The following ACSL6 variants were observed in gnomAD, a reference collection of about 807,000 sequenced individuals.
ACSL6 encodes acyl-CoA synthetase long chain family member 6, also known as long-chain-fatty-acid--CoA ligase 6.
ACSL6 carries 47 observed loss-of-function variants against 98.2 expected under a neutral mutation model. That is an observed-to-expected ratio of 0.48 (90% confidence interval 0.38 to 0.61). ACSL6 has a LOEUF of 0.61. Ranked by LOEUF, ACSL6 falls within the 20% of genes least tolerant of loss-of-function variation. ACSL6 has a pLI of 0.00. For synonymous variants in ACSL6, 362 were observed against 336.9 expected (o/e 1.07, Z -0.82); for missense variants, 761 against 913.4 (o/e 0.83, Z 2.15).
intron 11 of ACSL6, 134 bp from the exon 12 acceptor site, chr5:131,973,534 G>A (rs904766783): frequency 4.5e-6 from 4 of 892,564 alleles, no homozygotes; most frequent in Admixed American, 5.6e-5. Context: ...GCTGCCATGA[G>A]ACACTGATGA....
At chr5:131,970,090 G>C in intron 15 of ACSL6, 38 bp downstream of exon 15, 1 of 1,596,508 alleles carries the variant, frequency 6.3e-7, no homozygotes. Flanking sequence ...ACTCCACAGT[G>C]CCTCGCGAGC....
chr5:131,960,041 G>A (rs1331536104), intron 19 of ACSL6, among the ~76,000 whole-genome samples: 1 of 152,212 alleles, frequency 6.6e-6, no homozygotes, highest in Non-Finnish European at 1.5e-5. Context: ...GAAGGTTTCA[G>A]GAAGGTGTGA....
intron 9 of ACSL6, chr5:131,985,195 C>T (rs1754109351): frequency 8.2e-6 from 5 of 611,690 alleles, no homozygotes; most frequent in South Asian, 5.4e-5. Context: ...AGCCCTCACA[C>T]TGGACCTCCC....
intron 16 of ACSL6, among the ~76,000 whole-genome samples, chr5:131,966,808 C>T (rs985586685): frequency 1.3e-5 from 2 of 152,260 alleles, no homozygotes; most frequent in Non-Finnish European, 2.9e-5. Flanking sequence ...GCCTTGGCCA[C>T]ATGCTGCTCT....
chr5:131,966,653 G>T, intron 16 of ACSL6, 121 bp from the exon 17 acceptor site: 2 of 842,902 alleles, frequency 2.4e-6, no homozygotes, highest in Non-Finnish European at 4.0e-6. Context: ...TGTGGATATG[G>T]CAGGGATGGA....
chr5:132,005,108 C>T (rs1264117249), intron 1 of ACSL6, among the ~76,000 whole-genome samples: 15 of 152,062 alleles, frequency 9.9e-5, no homozygotes, highest in Non-Finnish European at 1.3e-4. Context: ...GCCAAGATCA[C>T]GCCATTGCAC....
intron 7 of ACSL6, 126 bp downstream of exon 7, chr5:131,987,922 G>A: frequency 7.9e-7 from 1 of 1,264,810 alleles, no homozygotes; most frequent in Non-Finnish European, 1.1e-6. Context: ...GCCCTGTCTG[G>A]ACACTGATAT....
In ACSL6 at chr5:131,989,583, CTTTTTTTTTTTTT is replaced by C. The variant is rs57391438; in HGVS notation, c.451-88_451-76del. The C allele has an allele frequency of 1.7e-4, 30 of 180,636 alleles. 1 individual carries two copies. Among genetic ancestry groups the C allele is most frequent in the East Asian group, 1.4e-3 (11 of 7,652 alleles). 11.2% of individuals were successfully genotyped at this position (180,636 alleles called of 1,614,324 possible). On this transcript the variant is annotated intron_variant, in intron 4 of 20. Coordinates refer to ENST00000651883, the MANE Select transcript of ACSL6 (RefSeq NM_001009185.3). ...GGGAAGGAGATCCCCAGGAGGAATT[CTTTTTTTTTTTTT>C]TTTTTTTTTTTTTTTTTGAGATGGA...
At chr5:132,003,280 C>T (rs953922912) in intron 1 of ACSL6, among the ~76,000 whole-genome samples, 2 of 152,354 alleles carry the variant, frequency 1.3e-5, no homozygotes, top group Admixed American at 6.5e-5. Flanking sequence ...CCTGAATCCC[C>T]CCTCTGGAGG....
chr5:131,994,919 T>C (rs959111818), intron 1 of ACSL6, among the ~76,000 whole-genome samples: 5 of 152,160 alleles, frequency 3.3e-5, no homozygotes, highest in African/African-American at 9.7e-5. Flanking sequence ...GGCCCCACCA[T>C]AACTGGGCCC....
rs1004017759 is a variant in ACSL6 at position 132,011,021 on chromosome 5, A to T, written c.49+484T>A. On this transcript the variant is annotated intron_variant, in intron 1 of 20. Coordinates refer to ENST00000651883, the MANE Select transcript of ACSL6 (RefSeq NM_001009185.3). The surrounding 1 kb of genome is among the most constrained non-coding windows in gnomAD (Gnocchi z 5.4). ...AGAAATCTTGTACTCTGGCTGAAGG[A>T]CGGGCAGGGAGGGGTCGTGAGGAAG... Among the ~76,000 whole-genome samples, 1 of 152,138 alleles carries T rather than the reference A, an allele frequency of 6.6e-6. No homozygotes were observed. Among genetic ancestry groups the T allele is most frequent in the African/African-American group, 2.4e-5 (1 of 41,416 alleles).
intron 16 of ACSL6, 83 bp downstream of exon 16, chr5:131,967,857 G>C: frequency 7.8e-7 from 1 of 1,280,320 alleles, no homozygotes; most frequent in African/African-American, 1.5e-5. Context: ...AAGGCAAAAG[G>C]AAAATCATTC....
At chr5:131,976,386 G>A (rs530331779) in intron 10 of ACSL6, 1 of 342,090 alleles carries the variant, frequency 2.9e-6, no homozygotes, top group Non-Finnish European at 4.1e-6. Flanking sequence ...AGGTTTGCAT[G>A]CTTTTCTTTC....
intron 15 of ACSL6, chr5:131,968,232 G>A: frequency 1.9e-6 from 1 of 530,718 alleles, no homozygotes. Context: ...CTCTGCCTGG[G>A]CATTTGTTTT....
At chr5:131,959,684 G>T in intron 19 of ACSL6, 77 bp from the exon 20 acceptor site, 1 of 1,390,104 alleles carries the variant, frequency 7.2e-7, no homozygotes, top group East Asian at 2.3e-5. Context: ...AACACTTTTG[G>T]GTAAAGTACA....
chr5:131,989,642 C>A, intron 4 of ACSL6, 134 bp from the exon 5 acceptor site: 2 of 644,488 alleles, frequency 3.1e-6, no homozygotes, highest in Non-Finnish European at 4.9e-6. Context: ...ATCACCCAGG[C>A]TGGAGTGCAA....
chr5:132,000,644 C>T (rs1755037668), intron 1 of ACSL6, among the ~76,000 whole-genome samples: 1 of 152,154 alleles, frequency 6.6e-6, no homozygotes, highest in South Asian at 2.1e-4. Flanking sequence ...GACAGCTAGA[C>T]TCATGGTGGC....
At chr5:131,970,449 G>T (rs548795276) in intron 14 of ACSL6, among the ~76,000 whole-genome samples, 2 of 148,472 alleles carry the variant, frequency 1.3e-5, no homozygotes, top group African/African-American at 5.0e-5. Flanking sequence ...TCACTCTGTC[G>T]CCCAGGCTGG....
intron 17 of ACSL6, among the ~76,000 whole-genome samples, chr5:131,963,255 T>C (rs1194433294): frequency 6.6e-6 from 1 of 152,102 alleles, no homozygotes; most frequent in Non-Finnish European, 1.5e-5. Context: ...AGCAGGCAGA[T>C]CACCTCCTTG....
Sources: gnomAD v4.1 joint callset for allele counts (sites outside exome capture counted in the v4.1 genomes callset) on GRCh38, gnomAD v4.1.1 for gene constraint, Gnocchi (gnomAD v3.1) non-coding constraint, MANE v1.5 for transcripts, NCBI Gene and HGNC (gene_info 2026-07-23, HGNC 2026-07-21) for gene names.